TMEFF2: variants seen among roughly 807,000 people sequenced by gnomAD.
TMEFF2 encodes tomoregulin-2.
Under a neutral mutation model 53.8 loss-of-function variants are expected in TMEFF2, and 28 were observed. That is an observed-to-expected ratio of 0.52 (90% CI 0.39 to 0.71). TMEFF2 has a LOEUF of 0.71. Ranked by LOEUF, TMEFF2 falls within the 30% of genes least tolerant of loss-of-function variation. The probability of loss-of-function intolerance (pLI) is 0.00; values close to 1 mark genes in which losing one functional copy is unlikely to be tolerated. For synonymous variants in TMEFF2, 162 were observed against 166.3 expected (o/e 0.97, Z 0.20); for missense variants, 353 against 455.2 (o/e 0.78, Z 2.04).
chr2:191,972,156 T>G (rs1692663268), intron 7 of TMEFF2, among the ~76,000 whole-genome samples: 1 of 151,338 alleles, frequency 6.6e-6, no homozygotes, highest in African/African-American at 2.4e-5. Flanking sequence ...TTGTTTTTTT[T>G]TTTTTTTAGA....
At chr2:192,094,175 T>G (rs554493139) in intron 4 of TMEFF2, among the ~76,000 whole-genome samples, 1 of 152,218 alleles carries the variant, frequency 6.6e-6, no homozygotes, top group South Asian at 2.1e-4. Flanking sequence ...GTTGAGATAC[T>G]TCATTCTGGT....
intron 5 of TMEFF2, among the ~76,000 whole-genome samples, chr2:192,007,739 C>T (rs767552489): frequency 7.2e-5 from 11 of 152,080 alleles, no homozygotes; most frequent in Non-Finnish European, 1.5e-4. Flanking sequence ...AGAAAGATGG[C>T]GCTAGCAGTA....
rs112431569 is a variant in TMEFF2, at chr2:192,089,071, A to C, written c.440-31296T>G. ...AGACATTTGTCTGGTAAGTACACTTATTGAAAATCAAGACAAAAGTGACGC... is the reference window on the plus strand; with the variant it reads ...AGACATTTGTCTGGTAAGTACACTTCTTGAAAATCAAGACAAAAGTGACGC... On this transcript the variant is annotated intron_variant, in intron 4 of 9. Transcript: ENST00000272771. Among the ~76,000 whole-genome samples, 291 of 152,160 alleles carry C rather than the reference A, an allele frequency of 1.9e-3. 1 individual carries two copies. The highest frequency in any genetic ancestry group is 2.0e-3 in the Non-Finnish European group (134 of 68,032).
At chr2:192,041,505 C>T (rs542891178) in intron 5 of TMEFF2, among the ~76,000 whole-genome samples, 10 of 152,246 alleles carry the variant, frequency 6.6e-5, no homozygotes, top group South Asian at 2.1e-4. Flanking sequence ...GACACTCATA[C>T]GCTGCTGGTG....
intron 5 of TMEFF2, among the ~76,000 whole-genome samples, chr2:192,020,899 T>C (rs1574296597): frequency 6.6e-6 from 1 of 152,312 alleles, no homozygotes; most frequent in East Asian, 1.9e-4. Context: ...GCATATTGAA[T>C]TGTATGCTAA....
chr2:192,093,108 T>C (rs1312590188), intron 4 of TMEFF2, among the ~76,000 whole-genome samples: 1 of 152,204 alleles, frequency 6.6e-6, no homozygotes, highest in Non-Finnish European at 1.5e-5. Context: ...CCATCTCTGC[T>C]GTCTGTTGAG....
chr2:192,149,644 A>G (rs1690337886), intron 4 of TMEFF2, among the ~76,000 whole-genome samples: 1 of 151,970 alleles, frequency 6.6e-6, no homozygotes, highest in Non-Finnish European at 1.5e-5. Flanking sequence ...TCACACTTAC[A>G]CTATGCACAT....
chr2:192,068,035 C>A (rs773574104), intron 4 of TMEFF2, among the ~76,000 whole-genome samples: 1 of 151,898 alleles, frequency 6.6e-6, no homozygotes, highest in Non-Finnish European at 1.5e-5. Flanking sequence ...AATGCACTTG[C>A]ATCTTCACAA....
chr2:192,001,171 T>C (rs1285443763), intron 5 of TMEFF2, among the ~76,000 whole-genome samples: 4 of 152,136 alleles, frequency 2.6e-5, no homozygotes, highest in African/African-American at 7.2e-5. Flanking sequence ...ACTGTTGTTG[T>C]GTTAGACTCT....
intron 7 of TMEFF2, among the ~76,000 whole-genome samples, chr2:191,962,449 A>G (rs1410982185): frequency 2.0e-5 from 3 of 152,234 alleles, no homozygotes; most frequent in African/African-American, 7.2e-5. Flanking sequence ...CCTTGATGAC[A>G]TGATTCAGGG....
intron 4 of TMEFF2, among the ~76,000 whole-genome samples, chr2:192,129,156 T>C (rs6738204): frequency 0.99 from 151,296 of 152,284 alleles, 75,167 homozygotes; most frequent in Middle Eastern, 1. Context: ...GCTGAAAAAA[T>C]GACTAGGAAT....
chr2:192,180,126 A>G (rs10168020), intron 3 of TMEFF2, among the ~76,000 whole-genome samples: 125,635 of 151,552 alleles, frequency 0.83, 52,821 homozygotes, highest in East Asian at 1. Flanking sequence ...CATATGAACA[A>G]AGAGAAAAGC....
chr2:192,116,341 G>A (rs1196960721), intron 4 of TMEFF2, among the ~76,000 whole-genome samples: 1 of 151,884 alleles, frequency 6.6e-6, no homozygotes, highest in African/African-American at 2.4e-5. Flanking sequence ...GAGGAAATGG[G>A]GAGATGTTGG....
chr2:192,017,755 A>T lies in TMEFF2; in HGVS notation c.537-18547T>A, dbSNP rs1196042218. ...GTTCAAATTTATTTCTCCAGGCCAG[A>T]ATCCATTAGAACCCAACCACTAGAA... On this transcript the variant is annotated intron_variant, in intron 5 of 9. Transcript: ENST00000272771. Among the ~76,000 whole-genome samples the T allele has an allele frequency of 4.6e-5, 7 of 152,326 alleles. No homozygotes were observed. The East Asian group carries it at 1.4e-3, about 29-fold the overall frequency.
intron 2 of TMEFF2, among the ~76,000 whole-genome samples, chr2:192,185,787 T>C (rs1691296665): frequency 1.3e-5 from 2 of 152,114 alleles, no homozygotes; most frequent in East Asian, 3.8e-4. Context: ...TTTGCCTTTA[T>C]ATAATAATAG....
At chr2:191,960,209 C>T (rs542003554) in intron 7 of TMEFF2, among the ~76,000 whole-genome samples, 89 of 152,222 alleles carry the variant, frequency 5.8e-4, no homozygotes, top group Non-Finnish European at 1.0e-3. Context: ...CCTGAACTAG[C>T]CAACCCAGAG....
chr2:192,179,040 CT>C (rs1691120233), intron 4 of TMEFF2: 1 of 150,984 alleles, frequency 6.6e-6, no homozygotes, highest in South Asian at 2.1e-4. Context: ...AAGTTTCTCT[CT>C]CTCTCTCTCT....
rs555888846 is a variant in TMEFF2, at chr2:192,106,928, G to A, written c.440-49153C>T. Among the ~76,000 whole-genome samples the A allele has an allele frequency of 5.3e-5, 8 of 151,830 alleles. No homozygotes were observed. The South Asian group carries it at 6.2e-4, about 12-fold the overall frequency. ...TTGATCTTGAAATTGGACTTGAAGA[G>A]TAAGTAGGACTTTTATAGGTGGAGT... On this transcript the variant is annotated intron_variant, in intron 4 of 9. Transcript: ENST00000272771.
chr2:192,125,966 C>T (rs896934862), intron 4 of TMEFF2, among the ~76,000 whole-genome samples: 14 of 152,144 alleles, frequency 9.2e-5, no homozygotes, highest in Admixed American at 2.6e-4. Context: ...CAAATGTCCA[C>T]GGCACACGTT....
Sources: allele counts gnomAD v4.1 joint callset (sites outside exome capture counted in the v4.1 genomes callset), GRCh38; gene constraint gnomAD v4.1.1; transcripts MANE v1.5; gene names NCBI Gene and HGNC (gene_info 2026-07-23, HGNC 2026-07-21).